Variants in WDFY2 observed in about 807,000 individuals in gnomAD.
The protein encoded by WDFY2 is WD repeat and FYVE domain-containing protein 2.
Under a neutral mutation model 56.4 loss-of-function variants are expected in WDFY2, and 36 were observed. The ratio of observed to expected loss-of-function variants is 0.64; its 90% CI spans 0.49 to 0.84. WDFY2 has a LOEUF of 0.84. WDFY2 is among the 40% of genes least tolerant of loss of function. The pLI is 0.00. For synonymous variants in WDFY2, 176 were observed against 183.7 expected (o/e 0.96, Z 0.34); for missense variants, 444 against 512.2 (o/e 0.87, Z 1.29).
At chr13:51,601,039 A>G (rs1954269988) in intron 1 of WDFY2, among the ~76,000 whole-genome samples, 1 of 152,226 alleles carries the variant, frequency 6.6e-6, no homozygotes, top group Admixed American at 6.5e-5. Flanking sequence ...TGTTCTGAGC[A>G]AAAGCCATTG....
intron 4 of WDFY2, among the ~76,000 whole-genome samples, chr13:51,709,928 C>G (rs1031928033): frequency 1.3e-5 from 2 of 152,164 alleles, no homozygotes; most frequent in Admixed American, 6.5e-5. Flanking sequence ...CTCCCCAATT[C>G]ATTTTATGAG....
intron 5 of WDFY2, among the ~76,000 whole-genome samples, chr13:51,724,059 CT>C (rs960614082): frequency 3.4e-5 from 5 of 147,886 alleles, no homozygotes; most frequent in East Asian, 2.0e-4. Context: ...TAATAGGAAT[CT>C]TTTTTTTTTC....
At chr13:51,712,168 A>G (rs1298551631) in intron 4 of WDFY2, among the ~76,000 whole-genome samples, 1 of 152,214 alleles carries the variant, frequency 6.6e-6, no homozygotes, top group Admixed American at 6.5e-5. Context: ...GAAGCTGGAA[A>G]CCATCATTCT....
At chr13:51,627,484 T>G (rs895211415) in intron 1 of WDFY2, among the ~76,000 whole-genome samples, 1 of 152,142 alleles carries the variant, frequency 6.6e-6, no homozygotes, top group Admixed American at 6.5e-5. Flanking sequence ...TTCTTCTGCC[T>G]TAGCCTCCCA....
Position 51,766,797 on chromosome 13 carries a change from G to A in WDFY2, c.*7028G>A, listed in dbSNP as rs943018439. On this transcript the variant is annotated 3_prime_UTR_variant, in exon 12 of 12. Transcript: ENST00000298125. ...AATAAATCTCTGTGAAAACCTTTCT[G>A]CAGCTATGGTCCCATCACGGTTACA... 5.3e-5 allele frequency: 8 copies of A among 152,248 alleles called. No homozygotes were observed. Among genetic ancestry groups the A allele is most frequent in the African/African-American group, 1.9e-4 (8 of 41,454 alleles). The allele number at this position is 152,248 out of a possible 1,614,324, so 9.4% of individuals were successfully genotyped here. A position where few individuals can be genotyped will look rare whatever the true frequency, so the allele number is the denominator to read the frequency against.
intron 10 of WDFY2, among the ~76,000 whole-genome samples, chr13:51,757,202 T>A (rs11619776): frequency 0.27 from 40,937 of 152,136 alleles, 6,944 homozygotes; most frequent in Middle Eastern, 0.39. Context: ...AAGATGCCCT[T>A]GCATAAGTAT....
At chr13:51,749,217 C>A (rs1454098779) in intron 7 of WDFY2, among the ~76,000 whole-genome samples, 1 of 152,022 alleles carries the variant, frequency 6.6e-6, no homozygotes, top group Non-Finnish European at 1.5e-5. Flanking sequence ...TTAAAAATTT[C>A]TCAGTTTTAA....
intron 3 of WDFY2, among the ~76,000 whole-genome samples, chr13:51,694,225 T>G (rs1279820636): frequency 6.6e-6 from 1 of 152,202 alleles, no homozygotes; most frequent in Non-Finnish European, 1.5e-5. Context: ...ATCCTGTCAT[T>G]ATGATGTTAG....
chr13:51,627,795 G>C (rs1478993810), intron 1 of WDFY2, among the ~76,000 whole-genome samples: 1 of 152,218 alleles, frequency 6.6e-6, no homozygotes, highest in Non-Finnish European at 1.5e-5. Context: ...GGAGCCTGCA[G>C]TAGGTGGCTC....
chr13:51,696,219 A>G (rs904891572), intron 3 of WDFY2, among the ~76,000 whole-genome samples: 5 of 152,194 alleles, frequency 3.3e-5, no homozygotes, highest in Non-Finnish European at 7.4e-5. Context: ...CCCTAGTGAG[A>G]TGAACCCAGT....
intron 4 of WDFY2, among the ~76,000 whole-genome samples, chr13:51,714,929 T>C (rs1952310212): frequency 6.6e-6 from 1 of 152,246 alleles, no homozygotes; most frequent in Admixed American, 6.5e-5. Context: ...GTTACTGTTA[T>C]GAATACTGTA....
At chr13:51,634,761 T>C (rs1955014255) in intron 1 of WDFY2, among the ~76,000 whole-genome samples, 1 of 152,108 alleles carries the variant, frequency 6.6e-6, no homozygotes, top group South Asian at 2.1e-4. Flanking sequence ...GAAAGAACTA[T>C]AGTAGAGCAA....
intron 11 of WDFY2, among the ~76,000 whole-genome samples, chr13:51,758,753 G>A (rs1052398428): frequency 2.0e-5 from 3 of 152,044 alleles, no homozygotes; most frequent in East Asian, 3.9e-4. Flanking sequence ...CAGTCAAAAC[G>A]GTAATACATA....
intron 1 of WDFY2, among the ~76,000 whole-genome samples, chr13:51,635,373 T>C (rs1317172756): frequency 6.6e-6 from 1 of 152,196 alleles, no homozygotes; most frequent in East Asian, 1.9e-4. Context: ...CAGCATGTAT[T>C]TTGTCTCTGT....
rs1162268973 is a variant in WDFY2 at position 51,622,720 on chromosome 13, CAAA to C, written c.138-37873_138-37871del. On this transcript the variant is annotated intron_variant, in intron 1 of 11. Transcript: ENST00000298125. ...AACACAGGATACACATAACTGTTCTCAAAAAGTTCACAATTCAGTCAGGGAGGT... is the reference window on the plus strand; with the variant it reads ...AACACAGGATACACATAACTGTTCTCAAGTTCACAATTCAGTCAGGGAGGT... Among the ~76,000 whole-genome samples the C allele has an allele frequency of 3.3e-5, 5 of 152,196 alleles. No homozygotes were observed. The East Asian group carries it at 7.7e-4, about 23-fold the overall frequency.
At chr13:51,724,907 C>T (rs142295133) in intron 5 of WDFY2, among the ~76,000 whole-genome samples, 12 of 152,326 alleles carry the variant, frequency 7.9e-5, no homozygotes, top group Non-Finnish European at 1.6e-4. Context: ...ACTTAGCCTT[C>T]AGTAGCTTCC....
At chr13:51,712,204 A>G (rs1419765922) in intron 4 of WDFY2, among the ~76,000 whole-genome samples, 1 of 152,208 alleles carries the variant, frequency 6.6e-6, no homozygotes, top group African/African-American at 2.4e-5. Context: ...AGGACAGAAA[A>G]CCAAGCACCG....
Position 51,607,912 on chromosome 13 carries a change from A to G in WDFY2, c.137+23088A>G, listed in dbSNP as rs558592496. Among the ~76,000 whole-genome samples, 32 of 152,356 alleles carry G rather than the reference A, an allele frequency of 2.1e-4. No homozygotes were observed. The South Asian group carries it at 6.4e-3, about 31-fold the overall frequency. ...CCTGGACTATCAGGATGTGCCCAGT[A>G]TAACCACAAAGGTCTTTGTAAGAGG... On this transcript the variant is annotated intron_variant, in intron 1 of 11. Coordinates refer to ENST00000298125, the MANE Select transcript of WDFY2 (RefSeq NM_052950.4).
intron 1 of WDFY2, among the ~76,000 whole-genome samples, chr13:51,637,568 A>G (rs755276560): frequency 2.6e-5 from 4 of 152,132 alleles, no homozygotes; most frequent in Non-Finnish European, 5.9e-5. Context: ...CCAGACCCCA[A>G]GAGAGGGTTC....
Sources: gnomAD v4.1 joint callset for allele counts (sites outside exome capture counted in the v4.1 genomes callset) on GRCh38, gnomAD v4.1.1 for gene constraint, MANE v1.5 for transcripts, NCBI Gene and HGNC (gene_info 2026-07-23, HGNC 2026-07-21) for gene names.